Variants in MRPS28 observed in about 807,000 individuals in gnomAD.
The protein encoded by MRPS28 is mitochondrial ribosomal protein S28, also known as small ribosomal subunit protein bS1m.
Under a neutral mutation model 10.8 loss-of-function variants are expected in MRPS28, and 7 were observed. The observed-to-expected ratio is 0.65, with a 90% CI of 0.37 to 1.22. The LOEUF (loss-of-function observed/expected upper bound fraction) is 1.22, where lower values mean the gene tolerates loss of function less well. MRPS28 is among the 50% of genes most tolerant of loss of function. The probability of loss-of-function intolerance (pLI) is 0.02; values close to 1 mark genes in which losing one functional copy is unlikely to be tolerated. For missense variants in MRPS28, 265 were observed against 232.9 expected (o/e 1.14, Z -0.90); for synonymous variants, 121 against 93.3 (o/e 1.30, Z -1.71).
At chr8:79,973,528 T>G (rs535246946) in intron 2 of MRPS28, among the ~76,000 whole-genome samples, 1 of 152,166 alleles carries the variant, frequency 6.6e-6, no homozygotes, top group South Asian at 2.1e-4. Flanking sequence ...AGCCAGCACA[T>G]TATAGCCTCA....
intron 2 of MRPS28, among the ~76,000 whole-genome samples, chr8:79,980,751 T>C (rs772711064): frequency 1.3e-5 from 2 of 152,258 alleles, no homozygotes; most frequent in Non-Finnish European, 2.9e-5. Flanking sequence ...CAAGGCACTA[T>C]GCCGGACATT....
At chr8:80,024,092 T>C (rs1183655924) in intron 1 of MRPS28, among the ~76,000 whole-genome samples, 2 of 151,988 alleles carry the variant, frequency 1.3e-5, no homozygotes, top group African/African-American at 2.4e-5. Context: ...CAGCCAGGCA[T>C]GGTGACGCAC....
intron 1 of MRPS28, among the ~76,000 whole-genome samples, chr8:80,019,723 G>A (rs1044863052): frequency 5.9e-5 from 9 of 152,032 alleles, no homozygotes; most frequent in Non-Finnish European, 7.4e-5. Flanking sequence ...GATGACCTAT[G>A]TAGAAAATCA....
At chr8:80,004,891 T>G (rs1259797857) in intron 1 of MRPS28, among the ~76,000 whole-genome samples, 1 of 152,104 alleles carries the variant, frequency 6.6e-6, no homozygotes, top group African/African-American at 2.4e-5. Context: ...TATCAGTGAT[T>G]GAAGATCAAA....
At chr8:80,001,361 C>G (rs1196489708) in intron 2 of MRPS28, among the ~76,000 whole-genome samples, 1 of 152,214 alleles carries the variant, frequency 6.6e-6, no homozygotes, top group Non-Finnish European at 1.5e-5. Flanking sequence ...GAGGATACCT[C>G]TCTTAAAGGG....
intron 2 of MRPS28, among the ~76,000 whole-genome samples, chr8:79,975,399 G>A (rs887704204): frequency 2.6e-5 from 4 of 152,090 alleles, no homozygotes; most frequent in East Asian, 1.9e-4. Context: ...TTGTAAGTAT[G>A]TAAGTATGGT....
chr8:80,009,536 A>G (rs1268021418), intron 1 of MRPS28, among the ~76,000 whole-genome samples: 1 of 152,148 alleles, frequency 6.6e-6, no homozygotes, highest in African/African-American at 2.4e-5. Flanking sequence ...GAATCACTTG[A>G]ACTCAGGAGG....
chr8:80,016,046 T>G (rs1809185991), intron 1 of MRPS28, among the ~76,000 whole-genome samples: 1 of 152,094 alleles, frequency 6.6e-6, no homozygotes, highest in South Asian at 2.1e-4. Flanking sequence ...TCAAGAACTT[T>G]GGGACAACTA....
intron 2 of MRPS28, among the ~76,000 whole-genome samples, chr8:79,976,913 G>A (rs6981765): frequency 0.035 from 5,371 of 152,106 alleles, 249 homozygotes; most frequent in African/African-American, 0.1. Context: ...AAGCCTACTT[G>A]CTCCACTTAA....
intron 2 of MRPS28, among the ~76,000 whole-genome samples, chr8:79,921,365 A>T (rs950092161): frequency 6.6e-6 from 1 of 152,106 alleles, no homozygotes; most frequent in Admixed American, 6.5e-5. Context: ...CATTGAATCT[A>T]TAAATTACCT....
At chr8:80,000,529 T>C (rs1808633315) in intron 2 of MRPS28, among the ~76,000 whole-genome samples, 1 of 152,108 alleles carries the variant, frequency 6.6e-6, no homozygotes, top group African/African-American at 2.4e-5. Flanking sequence ...CAGACAGAGA[T>C]GGAGGTTTCA....
chr8:79,953,158 G>C (rs1003728319), intron 2 of MRPS28, among the ~76,000 whole-genome samples: 2 of 152,286 alleles, frequency 1.3e-5, no homozygotes, highest in African/African-American at 4.8e-5. Flanking sequence ...GCAGCTGCTT[G>C]AGCTCAGCAG....
At chr8:79,923,507 T>C (rs2129855460) in intron 2 of MRPS28, among the ~76,000 whole-genome samples, 1 of 152,288 alleles carries the variant, frequency 6.6e-6, no homozygotes, top group South Asian at 2.1e-4. Flanking sequence ...TTAAAAACAA[T>C]ATCTACTGCC....
At chr8:79,976,824 T>C (rs1248420795) in intron 2 of MRPS28, among the ~76,000 whole-genome samples, 1 of 152,228 alleles carries the variant, frequency 6.6e-6, no homozygotes, top group East Asian at 1.9e-4. Context: ...TAAAATAAAA[T>C]GATATTTTTC....
At chr8:79,999,932 T>C (rs552196694) in intron 2 of MRPS28, among the ~76,000 whole-genome samples, 31 of 152,292 alleles carry the variant, frequency 2.0e-4, no homozygotes, top group African/African-American at 7.5e-4. Context: ...CAAAGGCCTT[T>C]TTTGACTACT....
chr8:80,019,638 T>C (rs1431209700), intron 1 of MRPS28, among the ~76,000 whole-genome samples: 1 of 151,298 alleles, frequency 6.6e-6, no homozygotes, highest in East Asian at 1.9e-4. Flanking sequence ...GCTAATGCAA[T>C]AAGACAAAAA....
intron 2 of MRPS28, among the ~76,000 whole-genome samples, chr8:79,944,647 T>C (rs117959578): frequency 0.016 from 2,478 of 152,082 alleles, 32 homozygotes; most frequent in Middle Eastern, 0.041. Context: ...AAGATATGCA[T>C]TGAACACTGA....
intron 2 of MRPS28, among the ~76,000 whole-genome samples, chr8:79,923,290 C>G (rs972262544): frequency 6.6e-6 from 1 of 152,300 alleles, no homozygotes; most frequent in Non-Finnish European, 1.5e-5. Context: ...TTCACAGATT[C>G]TTCTGCTCCT....
At chr8:79,977,832 A>G (rs1388193331) in intron 2 of MRPS28, among the ~76,000 whole-genome samples, 1 of 151,776 alleles carries the variant, frequency 6.6e-6, no homozygotes, top group Non-Finnish European at 1.5e-5. Context: ...AATAATAATA[A>G]TAATAATACA....
Sources: gnomAD v4.1 joint callset for allele counts (sites outside exome capture counted in the v4.1 genomes callset) on GRCh38, gnomAD v4.1.1 for gene constraint, MANE v1.5 for transcripts, NCBI Gene and HGNC (gene_info 2026-07-23, HGNC 2026-07-21) for gene names.